ITK: variants seen among roughly 807,000 people sequenced by gnomAD.
ITK encodes the protein IL2 inducible T cell kinase.
Under a neutral mutation model 87.6 loss-of-function variants are expected in ITK, and 45 were observed. That is an observed-to-expected ratio of 0.51 (90% CI 0.40 to 0.66). ITK has a LOEUF of 0.66. ITK is among the 30% of genes least tolerant of loss of function. The probability of loss-of-function intolerance (pLI) is 0.00; values close to 1 mark genes in which losing one functional copy is unlikely to be tolerated. For synonymous variants in ITK, 303 were observed against 273.6 expected (o/e 1.11, Z -1.06); for missense variants, 605 against 766.3 (o/e 0.79, Z 2.48).
rs1002495068 is a variant in ITK at position 157,254,346 on chromosome 5, C to G, written c.*1668C>G. ...TTAATGACCCTTTAATTCTCACAAC[C>G]AACCAGTCATGTTGCTTGAAGCCAT... is the stretch of plus-strand genomic sequence containing the variant. On this transcript the variant is annotated 3_prime_UTR_variant, in exon 17 of 17. Coordinates refer to ENST00000422843, the MANE Select transcript of ITK (RefSeq NM_005546.4). The G allele has an allele frequency of 1.8e-5, 4 of 224,646 alleles. No homozygotes were observed. The highest frequency in any genetic ancestry group is 6.7e-5 in the African/African-American group (3 of 44,798). The allele number at this position is 224,646 out of a possible 1,614,324, so 13.9% of individuals were successfully genotyped here.
At chr5:157,248,625 A>C (rs1755069037) in intron 15 of ITK, among the ~76,000 whole-genome samples, 1 of 152,196 alleles carries the variant, frequency 6.6e-6, no homozygotes, top group Admixed American at 6.5e-5. Context: ...TGAGTTTGGT[A>C]CAACAAAGGG....
chr5:157,192,552 C>T (rs776772363), intron 1 of ITK, among the ~76,000 whole-genome samples: 1 of 152,240 alleles, frequency 6.6e-6, no homozygotes, highest in Non-Finnish European at 1.5e-5. Context: ...TAATTCTTTA[C>T]TCTCTCTGGG....
chr5:157,238,818 G>A (rs776150893), intron 9 of ITK, among the ~76,000 whole-genome samples: 5 of 152,164 alleles, frequency 3.3e-5, no homozygotes, highest in Admixed American at 6.5e-5. Flanking sequence ...GTAAAACAAT[G>A]CCTAAGAACC....
intron 5 of ITK, among the ~76,000 whole-genome samples, chr5:157,221,994 A>T (rs1346719511): frequency 6.6e-6 from 1 of 152,118 alleles, no homozygotes; most frequent in Non-Finnish European, 1.5e-5. Flanking sequence ...CTCTTAAAAA[A>T]AAAAATCCGA....
At chr5:157,197,634 G>A (rs1250787443) in intron 1 of ITK, among the ~76,000 whole-genome samples, 1 of 150,428 alleles carries the variant, frequency 6.6e-6, no homozygotes, top group African/African-American at 2.4e-5. Flanking sequence ...ATGGGATGAT[G>A]CTCCATCTGT....
chr5:157,209,558 C>T (rs922639400), intron 2 of ITK, among the ~76,000 whole-genome samples: 1 of 152,156 alleles, frequency 6.6e-6, no homozygotes, highest in Non-Finnish European at 1.5e-5. Context: ...GTCTTCTCTT[C>T]CTCAAGGAAA....
chr5:157,232,701 T>C (rs35963904), intron 8 of ITK, among the ~76,000 whole-genome samples: 2,490 of 152,350 alleles, frequency 0.016, 29 homozygotes, highest in Non-Finnish European at 0.027. Context: ...GGTTGACATG[T>C]TGGATTAACG....
At chr5:157,202,091 T>C (rs1437344648) in intron 1 of ITK, among the ~76,000 whole-genome samples, 4 of 152,228 alleles carry the variant, frequency 2.6e-5, no homozygotes, top group Non-Finnish European at 4.4e-5. Flanking sequence ...TGGTTTTTAG[T>C]TCCTGTGTTA....
At chr5:157,249,582 A>G (rs1022811261) in intron 16 of ITK, among the ~76,000 whole-genome samples, 2 of 152,340 alleles carry the variant, frequency 1.3e-5, no homozygotes, top group African/African-American at 4.8e-5. Flanking sequence ...ATTTCAGCCA[A>G]AGTGGAAAGT....
At chr5:157,197,850 T>C (rs1469395875) in intron 1 of ITK, among the ~76,000 whole-genome samples, 2 of 152,210 alleles carry the variant, frequency 1.3e-5, no homozygotes, top group Non-Finnish European at 2.9e-5. Flanking sequence ...GTGTAATAAA[T>C]AATGCTTCTG....
chr5:157,234,177 C>T (rs994781090), intron 8 of ITK, among the ~76,000 whole-genome samples: 4 of 151,172 alleles, frequency 2.6e-5, no homozygotes, highest in Non-Finnish European at 5.9e-5. Context: ...GACGGGGTGT[C>T]GCCCTGTTGG....
At chr5:157,238,292 G>C (rs1754818158) in intron 9 of ITK, 101 bp downstream of exon 9, 1 of 883,542 alleles carries the variant, frequency 1.1e-6, no homozygotes, top group African/African-American at 1.6e-5. Context: ...AGAGGTAGAG[G>C]CTCACTAGAA....
chr5:157,251,847 T>A lies in ITK; in HGVS notation c.1792-760T>A, dbSNP rs138465323. On this transcript the variant is annotated intron_variant, in intron 16 of 16. Coordinates refer to ENST00000422843, the MANE Select transcript of ITK (RefSeq NM_005546.4). ...ATCTGGGCTGATCCATTAATCTGTTTGTTTATTCTTTCACTAGCACCATCC... is the reference window on the plus strand; with the variant it reads ...ATCTGGGCTGATCCATTAATCTGTTAGTTTATTCTTTCACTAGCACCATCC... 8.1e-4 allele frequency among the ~76,000 whole-genome samples: 124 copies of A among 152,352 alleles called. 2 individuals are homozygous for A. In the East Asian group the frequency reaches 0.021, roughly 26 times the overall value.
intron 3 of ITK, 125 bp downstream of exon 3, chr5:157,211,493 GAAGTTCCCA>G: frequency 1.2e-6 from 1 of 844,352 alleles, no homozygotes; most frequent in Non-Finnish European, 2.0e-6. Context: ...GGGGTTGGTG[GAAGTTCCCA>G]AGTTTTCATC....
At chr5:157,250,045 T>A (rs1374066858) in intron 16 of ITK, among the ~76,000 whole-genome samples, 1 of 152,220 alleles carries the variant, frequency 6.6e-6, no homozygotes, top group African/African-American at 2.4e-5. Context: ...GTGATACATT[T>A]GTTACAATTA....
chr5:157,193,120 C>T (rs1753784913), intron 1 of ITK, among the ~76,000 whole-genome samples: 2 of 152,158 alleles, frequency 1.3e-5, no homozygotes, highest in African/African-American at 4.8e-5. Context: ...ATTTGGGAAG[C>T]TGAGGGAAGA....
At chr5:157,210,706 C>A (rs1754173894) in intron 2 of ITK, among the ~76,000 whole-genome samples, 1 of 117,318 alleles carries the variant, frequency 8.5e-6, no homozygotes, top group Non-Finnish European at 1.7e-5. Context: ...CCCCCCACCC[C>A]ACCACAGTCC....
intron 6 of ITK, among the ~76,000 whole-genome samples, chr5:157,227,822 C>CTTT (rs34428784): frequency 3.9e-4 from 33 of 84,846 alleles, no homozygotes; most frequent in African/African-American, 7.1e-4. Flanking sequence ...TTACCAATTC[C>CTTT]TTTTTTTTTT....
intron 1 of ITK, among the ~76,000 whole-genome samples, chr5:157,204,154 G>C (rs1447580169): frequency 6.6e-6 from 1 of 152,112 alleles, no homozygotes; most frequent in Non-Finnish European, 1.5e-5. Context: ...GGGACTACAG[G>C]TGCACACCAT....
Sources: gnomAD v4.1 joint callset for allele counts (sites outside exome capture counted in the v4.1 genomes callset) on GRCh38, gnomAD v4.1.1 for gene constraint, MANE v1.5 for transcripts, NCBI Gene and HGNC (gene_info 2026-07-23, HGNC 2026-07-21) for gene names.